RAB2B: variants seen among roughly 807,000 people sequenced by gnomAD.
The protein encoded by RAB2B is ras-related protein Rab-2B.
A neutral mutation model predicts 29.8 loss-of-function variants in RAB2B; 20 were observed. That is an observed-to-expected ratio of 0.67 (90% CI 0.47 to 0.97). The LOEUF is 0.97. Ranked by LOEUF, RAB2B falls within the 50% of genes least tolerant of loss-of-function variation. RAB2B has a pLI of 0.00. For synonymous variants in RAB2B, 93 were observed against 91.7 expected (o/e 1.01, Z -0.08); for missense variants, 218 against 272.0 (o/e 0.80, Z 1.40).
chr14:21,462,231 G>A (rs1210824446), intron 7 of RAB2B, 119 bp downstream of exon 7: 1 of 675,222 alleles, frequency 1.5e-6, no homozygotes, highest in Non-Finnish European at 2.3e-6. Context: ...GTGTTGAATT[G>A]GCAGAGCTTT....
chr14:21,473,490 T>C (rs1890868842), intron 3 of RAB2B, among the ~76,000 whole-genome samples: 1 of 152,220 alleles, frequency 6.6e-6, no homozygotes, highest in South Asian at 2.1e-4. Flanking sequence ...ACTACATGTA[T>C]CAAATTTGAA....
chr14:21,472,485 C>G (rs950713237), intron 3 of RAB2B, among the ~76,000 whole-genome samples: 6 of 152,032 alleles, frequency 3.9e-5, no homozygotes, highest in Non-Finnish European at 8.8e-5. Flanking sequence ...GGGCTGACAA[C>G]GGAGAAATGA....
At chr14:21,474,971 A>C in intron 2 of RAB2B, 37 bp from the exon 3 acceptor site, 297 of 1,572,960 alleles carry the variant, frequency 1.9e-4, no homozygotes, top group Non-Finnish European at 2.3e-4. Context: ...TGTGATTCTC[A>C]CGAACAGCAG....
rs147713596 is a variant in RAB2B, at chr14:21,466,596, G to A, written c.362+1761C>T. ...TACTACAAACTCACAAGGGTGCCAT[G>A]GGATACCTCAAACTTTTGAGAAAAA... On this transcript the variant is annotated intron_variant, in intron 5 of 7. Coordinates refer to ENST00000397762, the MANE Select transcript of RAB2B (RefSeq NM_032846.4). 2.0e-3 allele frequency among the ~76,000 whole-genome samples: 307 copies of A among 152,304 alleles called. 1 individual carries two copies. The highest frequency in any genetic ancestry group is 3.7e-3 in the Non-Finnish European group (250 of 68,028).
chr14:21,476,667 G>T lies in RAB2B; in HGVS notation c.47-68C>A, dbSNP rs779082115. 1.5e-5 allele frequency: 24 copies of T among 1,613,042 alleles called. 1 individual carries two copies. Among genetic ancestry groups the T allele is most frequent in the Non-Finnish European group, 1.8e-5 (21 of 1,179,734 alleles). ...CACCTTCCAGAGTATGGACTTCCCG[G>T]ACCAGAGAAGGGGGGCTCCCGAGCC... On this transcript the variant is annotated intron_variant, in intron 1 of 7. Coordinates refer to ENST00000397762, the MANE Select transcript of RAB2B (RefSeq NM_032846.4).
At position 21,464,266 on chromosome 14, in the gene RAB2B, G is replaced by T. The variant is rs1367286343; in HGVS notation, c.363-499C>A. 2.6e-5 allele frequency among the ~76,000 whole-genome samples: 4 copies of T among 152,298 alleles called. No individual in the cohort carries two copies. In the South Asian group the frequency reaches 6.2e-4, roughly 24 times the overall value. On this transcript the variant is annotated intron_variant, in intron 5 of 7. Coordinates refer to ENST00000397762, the MANE Select transcript of RAB2B (RefSeq NM_032846.4). ...AATACAAAAATTAGCTGAGTATGGT[G>T]GCAGGTGCCTGTAATCCCAGCTACT...
rs1005153534 is a variant in RAB2B, at chr14:21,468,238, A to C, written c.362+119T>G. On this transcript the variant is annotated intron_variant, in intron 5 of 7. Coordinates refer to ENST00000397762, the MANE Select transcript of RAB2B (RefSeq NM_032846.4). ...TGTCATATATATTTTATCACAACAA[A>C]ATTTTTTTTTTTTACTGAAACACTA... 2.4e-4 allele frequency: 170 copies of C among 716,140 alleles called. 1 individual carries two copies. The highest frequency in any genetic ancestry group is 6.0e-4 in the Admixed American group (20 of 33,248). 44.4% of individuals were successfully genotyped at this position (716,140 alleles called of 1,614,324 possible). A position where few individuals can be genotyped will look rare whatever the true frequency, so the allele number is the denominator to read the frequency against.
chr14:21,473,155 G>A (rs953322270), intron 3 of RAB2B, among the ~76,000 whole-genome samples: 8 of 152,250 alleles, frequency 5.3e-5, no homozygotes, highest in African/African-American at 1.9e-4. Flanking sequence ...CTTGCGTGTG[G>A]TGAGGAGCAT....
chr14:21,475,853 A>G (rs1890942876), intron 2 of RAB2B, among the ~76,000 whole-genome samples: 2 of 152,366 alleles, frequency 1.3e-5, no homozygotes, highest in South Asian at 4.1e-4. Context: ...CAATATGGTA[A>G]GAATGGGGAT....
intron 5 of RAB2B, among the ~76,000 whole-genome samples, chr14:21,466,670 A>C (rs1890693899): frequency 6.6e-6 from 1 of 152,220 alleles, no homozygotes; most frequent in Admixed American, 6.5e-5. Context: ...TTACAAGCTT[A>C]AGACAGTTGC....
chr14:21,476,484 A>T (rs763548715), intron 2 of RAB2B, 44 bp downstream of exon 2: 6 of 1,610,590 alleles, frequency 3.7e-6, no homozygotes, highest in Non-Finnish European at 4.2e-6. Context: ...CAATTTAGCT[A>T]GTCAGGTTTT....
intron 3 of RAB2B, among the ~76,000 whole-genome samples, chr14:21,469,581 CT>C (rs1197545621): frequency 1.3e-5 from 2 of 151,440 alleles, no homozygotes; most frequent in African/African-American, 4.8e-5. Context: ...TGGACTAGTT[CT>C]TTTTTTTTCC....
Position 21,462,836 on chromosome 14 carries a change from T to TAA in RAB2B, c.475-420_475-419dup, listed in dbSNP as rs1182397229. Among the ~76,000 whole-genome samples the TAA allele has an allele frequency of 2.5e-3, 214 of 87,010 alleles. 2 individuals are homozygous for TAA. Among genetic ancestry groups the TAA allele is most frequent in the African/African-American group, 8.3e-3 (196 of 23,666 alleles). The allele number at this position is 87,010 out of a possible 152,430, so 57.1% of individuals were successfully genotyped here. A position where few individuals can be genotyped will look rare whatever the true frequency, so the allele number is the denominator to read the frequency against. On this transcript the variant is annotated intron_variant, in intron 6 of 7. Coordinates refer to ENST00000397762, the MANE Select transcript of RAB2B (RefSeq NM_032846.4). The stretch of plus-strand genomic sequence containing the variant: ...CTGGGTGACAGAACGAGACTCAGTC[T>TAA]AAAAAAAAAAAAAAAAAAAATCAAA...
At position 21,463,905 on chromosome 14, in the gene RAB2B, T is replaced by C. The variant is rs1890627924; in HGVS notation, c.363-138A>G. ...ATGTAGATCCTACATGATACTCTTA[T>C]ACAGAGTTACTGATTTTTGTAGCAT... On this transcript the variant is annotated intron_variant, in intron 5 of 7. Coordinates refer to ENST00000397762, the MANE Select transcript of RAB2B (RefSeq NM_032846.4). The C allele has an allele frequency of 5.0e-6, 3 of 605,016 alleles. No homozygotes were observed. The South Asian group carries it at 6.2e-5, about 13-fold the overall frequency. 37.5% of individuals were successfully genotyped at this position (605,016 alleles called of 1,614,324 possible). A position where few individuals can be genotyped will look rare whatever the true frequency, so the allele number is the denominator to read the frequency against.
intron 7 of RAB2B, among the ~76,000 whole-genome samples, chr14:21,461,575 C>CT (rs952790875): frequency 5.9e-5 from 9 of 151,518 alleles, no homozygotes; most frequent in East Asian, 3.9e-4. Context: ...CTTTTGTGCA[C>CT]TTTTTTTTTC....
chr14:21,474,989 G>A (rs1028390151), intron 2 of RAB2B, 55 bp from the exon 3 acceptor site: 3 of 1,444,252 alleles, frequency 2.1e-6, no homozygotes, highest in South Asian at 2.3e-5. Flanking sequence ...CAGCCACGTG[G>A]AGTGGGAGGT....
intron 2 of RAB2B, chr14:21,476,273 T>C (rs1046192432): frequency 2.3e-6 from 1 of 427,228 alleles, no homozygotes; most frequent in Non-Finnish European, 4.2e-6. Context: ...ACATACAAAT[T>C]GTATTTGAAA....
intron 6 of RAB2B, 78 bp downstream of exon 6, chr14:21,463,575 TAGG>T (rs1408378557): frequency 1.6e-5 from 16 of 1,031,326 alleles, no homozygotes; most frequent in Non-Finnish European, 2.1e-5. Context: ...CAATTTCTTA[TAGG>T]AGAAGAGAAT....
At chr14:21,471,425 T>A (rs1890810358) in intron 3 of RAB2B, among the ~76,000 whole-genome samples, 1 of 151,884 alleles carries the variant, frequency 6.6e-6, no homozygotes, top group African/African-American at 2.4e-5. Context: ...GAGACCAGCC[T>A]GGGCAACATG....
Sources: gnomAD v4.1 joint callset for allele counts (sites outside exome capture counted in the v4.1 genomes callset) on GRCh38, gnomAD v4.1.1 for gene constraint, MANE v1.5 for transcripts, NCBI Gene and HGNC (gene_info 2026-07-23, HGNC 2026-07-21) for gene names.